The following MAGI2 variants were observed in gnomAD, a reference collection of about 807,000 sequenced individuals.
MAGI2 encodes membrane associated guanylate kinase, WW and PDZ domain containing 2.
In MAGI2, 35 loss-of-function variants were observed where a neutral mutation model predicts 133.3. That is an observed-to-expected ratio of 0.26 (90% CI 0.20 to 0.35). The LOEUF (loss-of-function observed/expected upper bound fraction) is 0.35. Ranked by LOEUF, MAGI2 falls within the 10% of genes least tolerant of loss-of-function variation. The pLI is 1.00. For missense variants in MAGI2, 1,636 were observed against 1,863.4 expected (o/e 0.88, Z 2.25); for synonymous variants, 729 against 710.6 (o/e 1.03, Z -0.41).
rs980656910 is a variant in MAGI2, at chr7:79,184,906, A to T, written c.302-177700T>A. On this transcript the variant is annotated intron_variant, in intron 1 of 21. Coordinates refer to ENST00000354212, the MANE Select transcript of MAGI2 (RefSeq NM_012301.4). ...TCATAACCTCCTTTCCTCACACTAT[A>T]AAAAAACAAAAAAACAGGAAAATAT... Among the ~76,000 whole-genome samples the T allele has an allele frequency of 6.3e-4, 89 of 140,534 alleles. 1 individual carries two copies. The highest frequency in any genetic ancestry group is 2.8e-3 in the African/African-American group (87 of 31,286). The allele number at this position is 140,534 out of a possible 152,430, so 92.2% of individuals were successfully genotyped here.
At chr7:78,570,299 CT>C (rs1801374978) in intron 3 of MAGI2, among the ~76,000 whole-genome samples, 1 of 152,082 alleles carries the variant, frequency 6.6e-6, no homozygotes, top group South Asian at 2.1e-4. Flanking sequence ...CTAAGTAGAT[CT>C]TGTAAATATG....
chr7:78,665,386 C>A (rs1468491524), intron 2 of MAGI2, among the ~76,000 whole-genome samples: 1 of 152,080 alleles, frequency 6.6e-6, no homozygotes, highest in East Asian at 1.9e-4. Flanking sequence ...GGAAATAAAT[C>A]AAATGAAGCA....
At position 79,452,867 on chromosome 7, in the gene MAGI2, C is replaced by G. The variant is rs1051948162; in HGVS notation, c.301+153G>C. The G allele has an allele frequency of 3.8e-6, 3 of 788,060 alleles. No individual in the cohort carries two copies. In the South Asian group the frequency reaches 5.8e-5, roughly 15 times the overall value. 48.8% of individuals were successfully genotyped at this position (788,060 alleles called of 1,614,324 possible). On this transcript the variant is annotated intron_variant, in intron 1 of 21. Transcript: ENST00000354212. ...CCCTTTAGCCCCCAAGTCGAATCCCCGGCGAAACTCACTTGCACTGCGGGT... is the reference window on the plus strand; with the variant it reads ...CCCTTTAGCCCCCAAGTCGAATCCCGGGCGAAACTCACTTGCACTGCGGGT...
chr7:78,248,976 C>T (rs1315346016), intron 10 of MAGI2, among the ~76,000 whole-genome samples: 2 of 151,380 alleles, frequency 1.3e-5, no homozygotes, highest in African/African-American at 4.9e-5. Flanking sequence ...ACTCATCTGA[C>T]AAGAAGTTAA....
chr7:78,942,023 A>C (rs1056624493), intron 2 of MAGI2, among the ~76,000 whole-genome samples: 11 of 152,162 alleles, frequency 7.2e-5, no homozygotes, highest in Admixed American at 5.2e-4. Context: ...TGTGAAACTA[A>C]AATTGAATTT....
At chr7:78,662,250 A>G (rs1217674509) in intron 2 of MAGI2, among the ~76,000 whole-genome samples, 1 of 152,204 alleles carries the variant, frequency 6.6e-6, no homozygotes, top group East Asian at 1.9e-4. Flanking sequence ...GCAAGATATT[A>G]GCTTTGTTTT....
intron 2 of MAGI2, among the ~76,000 whole-genome samples, chr7:78,667,039 TTTTTA>T (rs1258743070): frequency 6.6e-6 from 1 of 152,148 alleles, no homozygotes; most frequent in Admixed American, 6.6e-5. Flanking sequence ...TTAATTAAAC[TTTTTA>T]TTTTAAGATA....
chr7:78,945,354 C>A (rs774602657), intron 2 of MAGI2, among the ~76,000 whole-genome samples: 110 of 152,174 alleles, frequency 7.2e-4, no homozygotes, highest in African/African-American at 2.5e-3. Context: ...AGCTGCCACG[C>A]CTGGCCCTCT....
intron 2 of MAGI2, among the ~76,000 whole-genome samples, chr7:78,657,606 G>A (rs1339185231): frequency 6.7e-6 from 1 of 148,340 alleles, no homozygotes; most frequent in African/African-American, 2.5e-5. Flanking sequence ...ATTTGGGAAA[G>A]GCAAAAGTTT....
rs553489053 is a variant in MAGI2, at chr7:78,409,885, T to G, written c.1046-40672A>C. ...AAATTTGTTATTCAATTAAACTCTTTTTCTGTCATATTAACAGGAAAATAA... is the reference window on the plus strand; with the variant it reads ...AAATTTGTTATTCAATTAAACTCTTGTTCTGTCATATTAACAGGAAAATAA... On this transcript the variant is annotated intron_variant, in intron 6 of 21. Coordinates refer to ENST00000354212, the MANE Select transcript of MAGI2 (RefSeq NM_012301.4). 3.3e-5 allele frequency among the ~76,000 whole-genome samples: 5 copies of G among 152,220 alleles called. No individual in the cohort carries two copies. The South Asian group carries it at 6.2e-4, about 19-fold the overall frequency.
At chr7:79,043,315 T>C (rs1048085584) in intron 1 of MAGI2, among the ~76,000 whole-genome samples, 1 of 151,302 alleles carries the variant, frequency 6.6e-6, no homozygotes, top group African/African-American at 2.4e-5. Flanking sequence ...GAGGCTGAGG[T>C]GGGTGGATCA....
intron 2 of MAGI2, among the ~76,000 whole-genome samples, chr7:78,634,788 G>A (rs1809450522): frequency 6.6e-6 from 1 of 151,972 alleles, no homozygotes; most frequent in Non-Finnish European, 1.5e-5. Flanking sequence ...AATAAAAGAG[G>A]GAATATAGAT....
rs79049065 is a variant in MAGI2, at chr7:78,268,618, T to C, written c.1409-12037A>G. ...GGGTTTGGGGTTACATTCAGACTTGTCTTCCAACTATGTGGATGTTTGTTT... is the reference window on the plus strand; with the variant it reads ...GGGTTTGGGGTTACATTCAGACTTGCCTTCCAACTATGTGGATGTTTGTTT... On this transcript the variant is annotated intron_variant, in intron 9 of 21. Coordinates refer to ENST00000354212, the MANE Select transcript of MAGI2 (RefSeq NM_012301.4). 5.7e-3 allele frequency among the ~76,000 whole-genome samples: 864 copies of C among 152,234 alleles called. 5 individuals are homozygous for C. Among genetic ancestry groups the C allele is most frequent in the African/African-American group, 0.02 (814 of 41,562 alleles).
chr7:78,740,361 A>T (rs1027997395), intron 2 of MAGI2, among the ~76,000 whole-genome samples: 4 of 152,256 alleles, frequency 2.6e-5, no homozygotes, highest in Admixed American at 2.6e-4. Flanking sequence ...TTTTACAGCA[A>T]AGTAGGTTAT....
chr7:78,992,392 TAA>T (rs1805877128), intron 2 of MAGI2, among the ~76,000 whole-genome samples: 2 of 152,148 alleles, frequency 1.3e-5, no homozygotes, highest in East Asian at 1.9e-4. Flanking sequence ...TGAATTAAAC[TAA>T]GTTACAATAT....
chr7:78,184,692 A>G lies in MAGI2; in HGVS notation c.2311+937T>C, dbSNP rs1827516255. ...AATTAAATCTTCTTTTTCCTCCAACATTTGTACAATAATGTTAAATATTTT... is the reference window on the plus strand; with the variant it reads ...AATTAAATCTTCTTTTTCCTCCAACGTTTGTACAATAATGTTAAATATTTT... On this transcript the variant is annotated intron_variant, in intron 13 of 21. Transcript: ENST00000354212. 4 of 152,204 alleles carry G rather than the reference A, an allele frequency of 2.6e-5. No homozygotes were observed. In the South Asian group the frequency reaches 8.3e-4, roughly 31 times the overall value. 9.4% of individuals were successfully genotyped at this position (152,204 alleles called of 1,614,324 possible).
chr7:78,894,118 T>C (rs1467365278), intron 2 of MAGI2, among the ~76,000 whole-genome samples: 1 of 152,192 alleles, frequency 6.6e-6, no homozygotes, highest in Non-Finnish European at 1.5e-5. Flanking sequence ...ACTGTTATTC[T>C]TGGCCGGGCG....
At chr7:78,320,712 C>G (rs535925938) in intron 9 of MAGI2, among the ~76,000 whole-genome samples, 3 of 152,152 alleles carry the variant, frequency 2.0e-5, no homozygotes, top group African/African-American at 4.8e-5. Flanking sequence ...AAAACTGGCA[C>G]AAGACAAGGA....
chr7:78,227,019 AAG>A (rs1255085754), intron 10 of MAGI2, among the ~76,000 whole-genome samples: 1 of 152,256 alleles, frequency 6.6e-6, no homozygotes, highest in Non-Finnish European at 1.5e-5. Context: ...CATCATTAAA[AAG>A]AGAGACTTAA....
Sources: allele counts gnomAD v4.1 joint callset (sites outside exome capture counted in the v4.1 genomes callset), GRCh38; gene constraint gnomAD v4.1.1; transcripts MANE v1.5; gene names NCBI Gene and HGNC (gene_info 2026-07-23, HGNC 2026-07-21).